Variants in RMDN1 observed in about 807,000 individuals in gnomAD.
RMDN1 encodes the protein regulator of microtubule dynamics protein 1.
RMDN1 carries 48 observed loss-of-function variants against 48.9 expected under a neutral mutation model. That is an observed-to-expected ratio of 0.98 (90% confidence interval 0.78 to 1.25). The LOEUF is 1.25. RMDN1 is among the 50% of genes most tolerant of loss of function. RMDN1 has a pLI of 0.00. For synonymous variants in RMDN1, 148 were observed against 132.6 expected, an observed-to-expected ratio of 1.12 and a Z score of -0.80; for missense variants, 418 against 373.4, an observed-to-expected ratio of 1.12 and a Z score of -0.98.
upstream of RMDN1, among the ~76,000 whole-genome samples, chr8:86,509,694 A>G (rs961509806): frequency 6.6e-6 from 1 of 152,168 alleles, no homozygotes; most frequent in Non-Finnish European, 1.5e-5. Flanking sequence ...AGATGTATTA[A>G]CCTAACCAAG....
chr8:86,501,678 AT>A (rs11301145), intron 2 of RMDN1, among the ~76,000 whole-genome samples: 145,710 of 148,458 alleles, frequency 0.98, 71,497 homozygotes, highest in Middle Eastern at 0.99. Flanking sequence ...CAAAAAAAAA[AT>A]AAGTTCTAAT....
intron 2 of RMDN1, among the ~76,000 whole-genome samples, chr8:86,491,031 C>A (rs1011046237): frequency 6.6e-6 from 1 of 151,840 alleles, no homozygotes; most frequent in Non-Finnish European, 1.5e-5. Flanking sequence ...TAATCTAAAT[C>A]TTTTTTGTGT....
chr8:86,502,433 T>A lies in RMDN1; in HGVS notation c.247+4562A>T, dbSNP rs559624314. Among the ~76,000 whole-genome samples the A allele has an allele frequency of 2.2e-4, 33 of 149,840 alleles. No individual in the cohort carries two copies. In the South Asian group the frequency reaches 6.6e-3, roughly 30 times the overall value. On this transcript the variant is annotated intron_variant, in intron 2 of 9. Transcript: ENST00000406452. ...ATTTTTGTAGAGATGGGGGTCTCAC[T>A]TTGTTTAAGACCACTTTGCCCATGC...
intron 6 of RMDN1, among the ~76,000 whole-genome samples, chr8:86,479,835 T>C (rs903667213): frequency 6.6e-6 from 1 of 152,096 alleles, no homozygotes; most frequent in Admixed American, 6.6e-5. Flanking sequence ...TAAAGCCTCA[T>C]ACCAGCAAAA....
intron 8 of RMDN1, chr8:86,475,172 T>C (rs1184261782): frequency 2.5e-6 from 1 of 404,960 alleles, no homozygotes; most frequent in Non-Finnish European, 4.3e-6. Flanking sequence ...GGCACTGCAT[T>C]ATACACATTT....
At chr8:86,505,424 C>T (rs1023466141) in intron 2 of RMDN1, 2 of 453,986 alleles carry the variant, frequency 4.4e-6, no homozygotes, top group Admixed American at 2.4e-5. Context: ...TTCCCCCAAC[C>T]TCAGACTTAT....
Position 86,474,821 on chromosome 8 carries a change from T to G in RMDN1, c.893A>C (p.Gln298Pro), listed in dbSNP as rs1460910675. 6 of 1,603,516 alleles carry G rather than the reference T, an allele frequency of 3.7e-6. No individual in the cohort carries two copies. Among genetic ancestry groups the G allele is most frequent in the Non-Finnish European group, 5.1e-6 (6 of 1,176,822 alleles). ...DYPAHTEEDK[Q>P]IQTEAAQLLT... ...CTTACTTTATGGGAGATGTTTTACC[T>G]GTTTATCCTCCTCTGTGTGTGCTGG... The change falls in exon 9 of 10, where the codon CAG becomes CCG. Residue 298 changes from glutamine to proline, a missense_variant and splice_region_variant. By Grantham distance (76) the Gln-to-Pro change is moderately conservative. Transcript: ENST00000406452.
At chr8:86,489,005 G>C (rs1226683300) in intron 2 of RMDN1, among the ~76,000 whole-genome samples, 11 of 152,238 alleles carry the variant, frequency 7.2e-5, no homozygotes, top group Admixed American at 7.2e-4. Flanking sequence ...TGTTGGGCCA[G>C]ATTCAAAGCT....
chr8:86,511,699 T>A (rs1026389202), upstream of RMDN1, among the ~76,000 whole-genome samples: 8 of 151,610 alleles, frequency 5.3e-5, no homozygotes, highest in African/African-American at 1.7e-4. Flanking sequence ...AGGTCCCAGC[T>A]ACTGGCTGAG....
chr8:86,487,751 A>C (rs999548728), intron 3 of RMDN1, among the ~76,000 whole-genome samples: 2 of 152,092 alleles, frequency 1.3e-5, no homozygotes, highest in Non-Finnish European at 2.9e-5. Context: ...CTTACAGCTT[A>C]TTTTTCAAGT....
At chr8:86,480,707 G>T (rs1296690489) in intron 5 of RMDN1, among the ~76,000 whole-genome samples, 1 of 152,060 alleles carries the variant, frequency 6.6e-6, no homozygotes, top group Non-Finnish European at 1.5e-5. Context: ...GCAAACTGTA[G>T]ATGAATACTG....
chr8:86,470,510 A>G, downstream of RMDN1: 1 of 1,025,176 alleles, frequency 9.8e-7, no homozygotes, highest in Admixed American at 3.7e-5. Context: ...GTAAAGGGGA[A>G]AAATGAAGAT....
intron 2 of RMDN1, among the ~76,000 whole-genome samples, chr8:86,490,159 C>G (rs1816257219): frequency 6.6e-6 from 1 of 151,986 alleles, no homozygotes; most frequent in Admixed American, 6.6e-5. Context: ...GTTTTAACAA[C>G]CCAAAGGATA....
intron 2 of RMDN1, among the ~76,000 whole-genome samples, chr8:86,499,558 A>T (rs1817883882): frequency 6.6e-6 from 1 of 152,204 alleles, no homozygotes; most frequent in South Asian, 2.1e-4. Context: ...CAAATGGAAA[A>T]ACATTCCATG....
upstream of RMDN1, chr8:86,508,851 T>G: frequency 8.2e-7 from 1 of 1,225,050 alleles, no homozygotes; most frequent in Non-Finnish European, 1.0e-6. Context: ...CGCGCCTGCG[T>G]CCAGGACTGA....
chr8:86,470,441 ACAGAAT>A, downstream of RMDN1: 1 of 1,252,842 alleles, frequency 8.0e-7, no homozygotes. Context: ...GACTTAGTGC[ACAGAAT>A]CAGAATCTTG....
intron 9 of RMDN1, 191 bp downstream of exon 9, chr8:86,474,629 C>T (rs1813055481): frequency 1.4e-6 from 1 of 738,170 alleles, no homozygotes; most frequent in South Asian, 1.5e-5. Context: ...CCCGTAACAT[C>T]CACCTGGTGA....
At chr8:86,477,235 T>C (rs1291914419) in intron 8 of RMDN1, 59 bp downstream of exon 8, 13 of 1,197,680 alleles carry the variant, frequency 1.1e-5, no homozygotes, top group Middle Eastern at 2.2e-4. Context: ...TATTATAGTA[T>C]ATATTCAGCA....
chr8:86,512,802 G>A (rs141886587), upstream of RMDN1, among the ~76,000 whole-genome samples: 285 of 152,228 alleles, frequency 1.9e-3, no homozygotes, highest in African/African-American at 6.2e-3. Context: ...GGCCAGGCAC[G>A]GTGGCTCACA....
Sources: gnomAD v4.1 joint callset for allele counts (sites outside exome capture counted in the v4.1 genomes callset) on GRCh38, gnomAD v4.1.1 for gene constraint, MANE v1.5 for transcripts, NCBI Gene and HGNC (gene_info 2026-07-23, HGNC 2026-07-21) for gene names.